HNF4G: variants seen among roughly 807,000 people sequenced by gnomAD.
The protein encoded by HNF4G is hepatocyte nuclear factor 4-gamma.
In HNF4G, 21 loss-of-function variants were observed where a neutral mutation model predicts 50.9. That is an observed-to-expected ratio of 0.41 (90% CI 0.29 to 0.59). The LOEUF (loss-of-function observed/expected upper bound fraction) is 0.59. HNF4G is among the 20% of genes least tolerant of loss of function. The pLI is 0.26. For missense variants in HNF4G, 527 were observed against 559.4 expected, an observed-to-expected ratio of 0.94 and a Z score of 0.58; for synonymous variants, 198 against 185.6, an observed-to-expected ratio of 1.07 and a Z score of -0.54.
intron 2 of HNF4G, among the ~76,000 whole-genome samples, chr8:75,491,731 C>T (rs972572037): frequency 2.6e-5 from 4 of 152,188 alleles, no homozygotes; most frequent in African/African-American, 2.4e-5. Flanking sequence ...CCGTCTTGGC[C>T]TCCCAAAGTG....
intron 2 of HNF4G, among the ~76,000 whole-genome samples, chr8:75,528,917 A>G (rs193296896): frequency 1.1e-3 from 174 of 152,246 alleles, no homozygotes; most frequent in Middle Eastern, 6.8e-3. Context: ...GGAAACTTAC[A>G]ATCATGGCAG....
At chr8:75,525,648 G>A (rs568679298) in intron 2 of HNF4G, among the ~76,000 whole-genome samples, 1 of 152,048 alleles carries the variant, frequency 6.6e-6, no homozygotes, top group African/African-American at 2.4e-5. Context: ...TGAATATTTT[G>A]GTCCACACGT....
chr8:75,533,615 C>A (rs990409838), intron 2 of HNF4G, among the ~76,000 whole-genome samples: 2 of 150,646 alleles, frequency 1.3e-5, no homozygotes, highest in Admixed American at 1.3e-4. Flanking sequence ...ATTCTTGAAC[C>A]AAAAAAAAGT....
chr8:75,443,520 G>C (rs931612783), intron 1 of HNF4G, among the ~76,000 whole-genome samples: 2 of 151,966 alleles, frequency 1.3e-5, no homozygotes, highest in Non-Finnish European at 2.9e-5. Flanking sequence ...TAAAGTATTC[G>C]ATGTTTTACT....
intron 1 of HNF4G, among the ~76,000 whole-genome samples, chr8:75,425,863 TG>T (rs1392084150): frequency 6.6e-6 from 1 of 152,138 alleles, no homozygotes; most frequent in Non-Finnish European, 1.5e-5. Flanking sequence ...ATAGTTTACA[TG>T]TCTTTTACTG....
rs144670354 is a variant in HNF4G at position 75,543,923 on chromosome 8, T to C, written c.231T>C (p.Asp77=). The C allele has an allele frequency of 6.2e-7, 1 of 1,613,416 alleles. No individual in the cohort carries two copies. Among genetic ancestry groups the C allele is most frequent in the Non-Finnish European group, 8.5e-7 (1 of 1,179,648 alleles). ...TGKHYGASSC[D]GCKGFFRRSI... is the part of the protein sequence containing the mutation. ...AACACTATGGGGCATCCAGCTGTGA[T>C]GGGTGCAAGGGTTTCTTCAGACGCA... The change falls in exon 2 of 10, where the codon GAT becomes GAC. Residue 77 remains aspartate (D), a synonymous_variant. Transcript: ENST00000396423.
At chr8:75,503,988 G>A (rs1359293331) in intron 2 of HNF4G, among the ~76,000 whole-genome samples, 1 of 152,060 alleles carries the variant, frequency 6.6e-6, no homozygotes. Context: ...TTGGGAGGCC[G>A]AGGCAGGTGG....
chr8:75,422,077 A>T (rs55756580), intron 1 of HNF4G, among the ~76,000 whole-genome samples: 1,542 of 152,292 alleles, frequency 0.01, 28 homozygotes, highest in African/African-American at 0.034. Context: ...ATTTCAGAGA[A>T]GGAAACTGAG....
At chr8:75,520,881 C>A (rs1052121326) in intron 2 of HNF4G, among the ~76,000 whole-genome samples, 1 of 151,882 alleles carries the variant, frequency 6.6e-6, no homozygotes, top group Non-Finnish European at 1.5e-5. Context: ...AGCTTACTTT[C>A]ACAAGTAACC....
chr8:75,556,148 G>T (rs3779733), intron 6 of HNF4G, 79 bp downstream of exon 6: 8 of 637,160 alleles, frequency 1.3e-5, no homozygotes, highest in Non-Finnish European at 2.1e-5. Context: ...TGTTCTGTAT[G>T]TACCAAGTAT....
chr8:75,444,156 G>T (rs1391829093), intron 1 of HNF4G, among the ~76,000 whole-genome samples: 13 of 151,730 alleles, frequency 8.6e-5, no homozygotes, highest in Non-Finnish European at 1.9e-4. Context: ...TTTCAACCCA[G>T]AATTTCATAT....
At chr8:75,411,489 C>CTG (rs912210241) in intron 1 of HNF4G, among the ~76,000 whole-genome samples, 17 of 152,326 alleles carry the variant, frequency 1.1e-4, no homozygotes, top group African/African-American at 4.1e-4. Context: ...GCCTTATTGC[C>CTG]TGTTCTTCCC....
chr8:75,539,307 A>G (rs1419815629), upstream of HNF4G, among the ~76,000 whole-genome samples: 2 of 152,194 alleles, frequency 1.3e-5, no homozygotes, highest in Non-Finnish European at 2.9e-5. Context: ...ACAGGCCTAT[A>G]AATAGATAAT....
intron 1 of HNF4G, among the ~76,000 whole-genome samples, chr8:75,463,596 A>G (rs1811901643): frequency 1.4e-5 from 2 of 146,882 alleles, no homozygotes; most frequent in African/African-American, 5.0e-5. Context: ...GTAAGCATTC[A>G]TTTTTTTTTT....
At chr8:75,492,464 G>C (rs1812653283) in intron 2 of HNF4G, among the ~76,000 whole-genome samples, 1 of 152,168 alleles carries the variant, frequency 6.6e-6, no homozygotes, top group Non-Finnish European at 1.5e-5. Flanking sequence ...CACAGTCTAA[G>C]CACCAGATGG....
chr8:75,425,005 C>T (rs117287051), intron 1 of HNF4G, among the ~76,000 whole-genome samples: 7,275 of 152,138 alleles, frequency 0.048, 194 homozygotes, highest in Middle Eastern at 0.065. Context: ...TTTACATTCC[C>T]ACCAATAGTG....
chr8:75,557,489 C>T (rs548150079), intron 6 of HNF4G, among the ~76,000 whole-genome samples: 11 of 152,142 alleles, frequency 7.2e-5, no homozygotes, highest in Admixed American at 3.3e-4. Context: ...GGCGTGGTGG[C>T]GGGAGCCTGT....
At chr8:75,438,047 G>A (rs1811183245) in intron 1 of HNF4G, among the ~76,000 whole-genome samples, 1 of 152,102 alleles carries the variant, frequency 6.6e-6, no homozygotes, top group Non-Finnish European at 1.5e-5. Flanking sequence ...TGACAAATGA[G>A]CTTGTTTCTT....
At chr8:75,540,820 C>A (rs1004511751) in intron 1 of HNF4G, among the ~76,000 whole-genome samples, 7 of 146,790 alleles carry the variant, frequency 4.8e-5, no homozygotes, top group Non-Finnish European at 9.0e-5. Context: ...CTCCTAAGAT[C>A]GAGTAATTAT....
Sources: gnomAD v4.1 joint callset for allele counts (sites outside exome capture counted in the v4.1 genomes callset) on GRCh38, gnomAD v4.1.1 for gene constraint, MANE v1.5 for transcripts, NCBI Gene and HGNC (gene_info 2026-07-23, HGNC 2026-07-21) for gene names.